CSMD1: variants seen among roughly 807,000 people sequenced by gnomAD.
The protein encoded by CSMD1 is CUB and sushi domain-containing protein 1.
CSMD1 carries 213 observed loss-of-function variants against 417.5 expected under a neutral mutation model. The observed-to-expected ratio is 0.51, with a 90% CI of 0.46 to 0.57. The LOEUF is 0.57. Ranked by LOEUF, CSMD1 falls within the 20% of genes least tolerant of loss-of-function variation. The pLI is 0.00. For missense variants in CSMD1, 6,923 were observed against 4,529.7 expected (o/e 1.53, Z -15.17); for synonymous variants, 2,862 against 1,736.8 (o/e 1.65, Z -16.11).
At chr8:4,629,158 A>G (rs926658226) in intron 2 of CSMD1, among the ~76,000 whole-genome samples, 10 of 152,208 alleles carry the variant, frequency 6.6e-5, no homozygotes, top group African/African-American at 1.2e-4. Context: ...ATTTTGTCAT[A>G]TTTGAATGCA....
intron 5 of CSMD1, among the ~76,000 whole-genome samples, chr8:3,855,336 G>T (rs1361747920): frequency 6.6e-6 from 1 of 151,766 alleles, no homozygotes; most frequent in African/African-American, 2.4e-5. Context: ...TCATCCAGAA[G>T]GAAATACACT....
chr8:4,745,267 T>A (rs1193654212), intron 1 of CSMD1, among the ~76,000 whole-genome samples: 2 of 152,190 alleles, frequency 1.3e-5, no homozygotes, highest in Non-Finnish European at 2.9e-5. Context: ...GTATTTTTCC[T>A]CTGGCAGAAA....
intron 54 of CSMD1, among the ~76,000 whole-genome samples, chr8:2,996,589 T>C (rs1191678603): frequency 6.6e-6 from 1 of 152,222 alleles, no homozygotes; most frequent in African/African-American, 2.4e-5. Context: ...GCTAGCTCTC[T>C]TGAGCTCCAG....
In CSMD1 at chr8:3,062,964, G is replaced by C. The variant is rs116758481; in HGVS notation, c.7475-10317C>G. On this transcript the variant is annotated intron_variant, in intron 49 of 69. Transcript: ENST00000635120. ...AAAACAAAGATTTATTCAATAAAAA[G>C]AAAATTCCTAGAGAAAAAAAGCTGG... Among the ~76,000 whole-genome samples, 1,301 of 152,144 alleles carry C rather than the reference G, an allele frequency of 8.6e-3. 13 individuals are homozygous for C. The highest frequency in any genetic ancestry group is 0.03 in the African/African-American group (1,245 of 41,510).
At chr8:3,200,894 T>C (rs1796956773) in intron 32 of CSMD1, among the ~76,000 whole-genome samples, 1 of 152,186 alleles carries the variant, frequency 6.6e-6, no homozygotes, top group Non-Finnish European at 1.5e-5. Flanking sequence ...AATTAGTAAA[T>C]GTACCCAGTA....
chr8:4,587,959 A>C (rs1799787382), intron 2 of CSMD1, among the ~76,000 whole-genome samples: 1 of 152,336 alleles, frequency 6.6e-6, no homozygotes, highest in East Asian at 1.9e-4. Flanking sequence ...TAGACTTTAA[A>C]GTATACCCAG....
At chr8:3,780,341 T>G (rs1200701603) in intron 5 of CSMD1, among the ~76,000 whole-genome samples, 1 of 152,212 alleles carries the variant, frequency 6.6e-6, no homozygotes, top group African/African-American at 2.4e-5. Context: ...TTCGTTAGAA[T>G]AGAATTTGGA....
In CSMD1 at chr8:4,368,800, G is replaced by T. The variant is rs911627217; in HGVS notation, c.415+51153C>A. 2.6e-5 allele frequency among the ~76,000 whole-genome samples: 4 copies of T among 152,072 alleles called. No homozygotes were observed. The East Asian group carries it at 7.7e-4, about 29-fold the overall frequency. ...GATTTTTTGTATTTCTGTTGGATAGGTTGTAATGTCAGCTTTGTCATTTCT... is the reference window on the plus strand; with the variant it reads ...GATTTTTTGTATTTCTGTTGGATAGTTTGTAATGTCAGCTTTGTCATTTCT... On this transcript the variant is annotated intron_variant, in intron 3 of 69. Transcript: ENST00000635120.
intron 5 of CSMD1, among the ~76,000 whole-genome samples, chr8:3,804,847 G>C (rs534197648): frequency 2.6e-5 from 4 of 152,248 alleles, no homozygotes; most frequent in South Asian, 2.1e-4. Context: ...AGAAAGGGTA[G>C]GTTTTCTTTC....
At chr8:4,115,996 ATT>A (rs1364171374) in intron 3 of CSMD1, among the ~76,000 whole-genome samples, 1 of 149,128 alleles carries the variant, frequency 6.7e-6, no homozygotes, top group Non-Finnish European at 1.5e-5. Flanking sequence ...TTATTTATTT[ATT>A]TATTTATTTA....
At chr8:3,087,535 T>G (rs1177126933) in intron 48 of CSMD1, among the ~76,000 whole-genome samples, 1 of 152,140 alleles carries the variant, frequency 6.6e-6, no homozygotes, top group African/African-American at 2.4e-5. Context: ...TACAGTACTG[T>G]GAGAAACATC....
intron 1 of CSMD1, among the ~76,000 whole-genome samples, chr8:4,695,979 G>T (rs1196176172): frequency 6.6e-6 from 1 of 152,196 alleles, no homozygotes; most frequent in African/African-American, 2.4e-5. Context: ...TCCGGAGGGA[G>T]AATGCCTGTG....
intron 3 of CSMD1, among the ~76,000 whole-genome samples, chr8:4,226,077 C>T (rs1291160435): frequency 7.1e-6 from 1 of 139,992 alleles, no homozygotes; most frequent in East Asian, 1.9e-4. Flanking sequence ...GACACACACA[C>T]ACACACACAC....
chr8:4,419,372 T>C (rs1797123594), intron 3 of CSMD1, among the ~76,000 whole-genome samples: 2 of 152,196 alleles, frequency 1.3e-5, no homozygotes. Flanking sequence ...GTTCTATCTC[T>C]GCATTTAAAA....
chr8:4,747,844 G>A (rs10503272), intron 1 of CSMD1, among the ~76,000 whole-genome samples: 1 of 152,048 alleles, frequency 6.6e-6, no homozygotes. Context: ...TTCATCAACT[G>A]TTCAGGTCTC....
chr8:3,291,771 AAGTC>A (rs1309128525), intron 25 of CSMD1, among the ~76,000 whole-genome samples: 2 of 151,936 alleles, frequency 1.3e-5, no homozygotes, highest in Non-Finnish European at 2.9e-5. Flanking sequence ...TCTGTCCAAA[AAGTC>A]AGCTCCTGGA....
At chr8:3,758,052 C>G (rs1184443802) in intron 5 of CSMD1, among the ~76,000 whole-genome samples, 1 of 152,102 alleles carries the variant, frequency 6.6e-6, no homozygotes, top group East Asian at 1.9e-4. Context: ...CAACCTCTGC[C>G]TCCCAGGTTC....
At position 3,049,646 on chromosome 8, in the gene CSMD1, A is replaced by G. The variant is rs531186921; in HGVS notation, c.7660+2816T>C. On this transcript the variant is annotated intron_variant, in intron 50 of 69. Coordinates refer to ENST00000635120, the MANE Select transcript of CSMD1 (RefSeq NM_033225.6). ...GCCACAAAAGTCACTTTAGGCGTGA[A>G]TGGGTGGGCAAAGGAGACTTTAAGT... Among the ~76,000 whole-genome samples the G allele has an allele frequency of 6.6e-5, 10 of 152,182 alleles. No individual in the cohort carries two copies. The East Asian group carries it at 1.9e-3, about 29-fold the overall frequency.
intron 39 of CSMD1, among the ~76,000 whole-genome samples, chr8:3,153,975 A>G (rs1819359430): frequency 6.6e-6 from 1 of 152,078 alleles, no homozygotes; most frequent in Non-Finnish European, 1.5e-5. Flanking sequence ...TTCCTTTGTA[A>G]CTTTTTTTTA....
Sources: gnomAD v4.1 joint callset for allele counts (sites outside exome capture counted in the v4.1 genomes callset) on GRCh38, gnomAD v4.1.1 for gene constraint, MANE v1.5 for transcripts, NCBI Gene and HGNC (gene_info 2026-07-23, HGNC 2026-07-21) for gene names.